Variants in TRDN observed in about 807,000 individuals in gnomAD.
TRDN encodes the protein triadin.
A neutral mutation model predicts 149.7 loss-of-function variants in TRDN; 161 were observed. The ratio of observed to expected loss-of-function variants is 1.08; its 90% CI spans 0.95 to 1.23. The LOEUF (loss-of-function observed/expected upper bound fraction) is 1.23. TRDN is among the 50% of genes most tolerant of loss of function. The pLI, the probability that TRDN is intolerant of heterozygous loss-of-function variation, is 0.00. For missense variants in TRDN, 896 were observed against 823.5 expected, an observed-to-expected ratio of 1.09 and a Z score of -1.08; for synonymous variants, 294 against 250.5, an observed-to-expected ratio of 1.17 and a Z score of -1.64.
At chr6:123,613,208 T>TCATG (rs1239081513) in intron 1 of TRDN, among the ~76,000 whole-genome samples, 1 of 152,192 alleles carries the variant, frequency 6.6e-6, no homozygotes, top group Non-Finnish European at 1.5e-5. Flanking sequence ...GAAAACAGAC[T>TCATG]CATGATTTGG....
At chr6:123,257,959 G>A (rs1562233553) in intron 35 of TRDN, among the ~76,000 whole-genome samples, 2 of 152,072 alleles carry the variant, frequency 1.3e-5, no homozygotes, top group Admixed American at 6.6e-5. Context: ...GTATAGGATC[G>A]CTTGTGATTT....
At chr6:123,272,362 C>T (rs1777232549) in intron 29 of TRDN, among the ~76,000 whole-genome samples, 1 of 151,718 alleles carries the variant, frequency 6.6e-6, no homozygotes, top group African/African-American at 2.4e-5. Flanking sequence ...ATTTAATTAG[C>T]TGAAATAAAA....
At chr6:123,345,376 T>A (rs116179054) in intron 21 of TRDN, among the ~76,000 whole-genome samples, 2 of 152,120 alleles carry the variant, frequency 1.3e-5, no homozygotes, top group Admixed American at 6.6e-5. Context: ...TATATTTTTG[T>A]GAGTGCATTT....
At chr6:123,296,922 A>C (rs1161757931) in intron 24 of TRDN, among the ~76,000 whole-genome samples, 2 of 152,032 alleles carry the variant, frequency 1.3e-5, no homozygotes, top group African/African-American at 4.8e-5. Context: ...TTCTGGAAAA[A>C]ATTTTGCTTC....
intron 2 of TRDN, among the ~76,000 whole-genome samples, chr6:123,570,172 T>C (rs1419783791): frequency 6.6e-6 from 1 of 152,130 alleles, no homozygotes; most frequent in African/African-American, 2.4e-5. Flanking sequence ...AGAGTACATA[T>C]GAGAGAACAC....
intron 12 of TRDN, among the ~76,000 whole-genome samples, chr6:123,425,215 C>T (rs1390574398): frequency 2.1e-5 from 3 of 144,722 alleles, no homozygotes; most frequent in Non-Finnish European, 4.5e-5. Context: ...GAGCATAGAG[C>T]CACATTCAGA....
chr6:123,339,321 T>G (rs1582891614), intron 21 of TRDN, among the ~76,000 whole-genome samples: 3 of 152,184 alleles, frequency 2.0e-5, no homozygotes, highest in Middle Eastern at 6.8e-3. Context: ...TAGGTTTTTT[T>G]GTTTTTGTTT....
At chr6:123,487,933 C>T (rs936422844) in intron 9 of TRDN, among the ~76,000 whole-genome samples, 2 of 152,042 alleles carry the variant, frequency 1.3e-5, no homozygotes, top group Non-Finnish European at 1.5e-5. Flanking sequence ...ATTTAGAGTT[C>T]GTATTATACA....
At chr6:123,423,882 CT>C (rs1161014080) in intron 12 of TRDN, among the ~76,000 whole-genome samples, 1 of 151,842 alleles carries the variant, frequency 6.6e-6, no homozygotes, top group African/African-American at 2.4e-5. Context: ...TCCTTTTTTC[CT>C]TTTTACTTAA....
intron 38 of TRDN, among the ~76,000 whole-genome samples, chr6:123,232,446 A>G (rs1466532727): frequency 6.6e-6 from 1 of 152,046 alleles, no homozygotes; most frequent in East Asian, 1.9e-4. Context: ...GAAAGAGTAG[A>G]GAGAAATTGC....
intron 1 of TRDN, among the ~76,000 whole-genome samples, chr6:123,588,591 T>C (rs1783627266): frequency 6.6e-6 from 1 of 152,222 alleles, no homozygotes; most frequent in Non-Finnish European, 1.5e-5. Context: ...TGATGATTTA[T>C]GATCTCAGTC....
At chr6:123,332,234 C>T (rs976527377) in intron 22 of TRDN, among the ~76,000 whole-genome samples, 2 of 151,942 alleles carry the variant, frequency 1.3e-5, no homozygotes, top group Non-Finnish European at 2.9e-5. Flanking sequence ...TTAAAAATCG[C>T]ATGACTTCAG....
chr6:123,268,803 T>C (rs535915161), intron 31 of TRDN, among the ~76,000 whole-genome samples: 1 of 151,972 alleles, frequency 6.6e-6, no homozygotes, highest in East Asian at 1.9e-4. Context: ...GCATTCAAAA[T>C]AAAAGAAAAT....
At chr6:123,524,315 G>A (rs1433980507) in intron 5 of TRDN, among the ~76,000 whole-genome samples, 1 of 152,104 alleles carries the variant, frequency 6.6e-6, no homozygotes, top group Non-Finnish European at 1.5e-5. Context: ...AGTCAGGTGG[G>A]AATTTTATAA....
intron 10 of TRDN, among the ~76,000 whole-genome samples, chr6:123,463,842 A>G (rs1776627416): frequency 6.6e-6 from 1 of 151,906 alleles, no homozygotes; most frequent in Non-Finnish European, 1.5e-5. Context: ...GTGATATACA[A>G]TAGTAACCTC....
At chr6:123,411,403 AG>A (rs1409229881) in intron 12 of TRDN, among the ~76,000 whole-genome samples, 1 of 152,174 alleles carries the variant, frequency 6.6e-6, no homozygotes, top group Non-Finnish European at 1.5e-5. Flanking sequence ...TTCAAGCAAC[AG>A]GATGAGTGTG....
chr6:123,584,841 G>A (rs1783360862), intron 1 of TRDN, among the ~76,000 whole-genome samples: 1 of 152,170 alleles, frequency 6.6e-6, no homozygotes, highest in Admixed American at 6.5e-5. Context: ...ATATGGATTT[G>A]GAACCACGGG....
chr6:123,607,525 A>T (rs1784579631), intron 1 of TRDN, among the ~76,000 whole-genome samples: 1 of 152,162 alleles, frequency 6.6e-6, no homozygotes, highest in Admixed American at 6.6e-5. Flanking sequence ...CCTCTGCTGT[A>T]TCAAACAAGC....
At chr6:123,331,783 G>A (rs1644795635) in intron 23 of TRDN, 96 bp downstream of exon 23, 2 of 749,546 alleles carry the variant, frequency 2.7e-6, no homozygotes, top group Non-Finnish European at 4.0e-6. Flanking sequence ...ATGGTTTTGA[G>A]AGCCTGAAAA....
Sources: allele counts gnomAD v4.1 joint callset (sites outside exome capture counted in the v4.1 genomes callset), GRCh38; gene constraint gnomAD v4.1.1; transcripts MANE v1.5; gene names NCBI Gene and HGNC (gene_info 2026-07-23, HGNC 2026-07-21).